RARB: variants seen among roughly 807,000 people sequenced by gnomAD.
RARB encodes HBV-activated protein.
A neutral mutation model predicts 51.9 loss-of-function variants in RARB; 17 were observed. The ratio of observed to expected loss-of-function variants is 0.33; its 90% CI spans 0.22 to 0.49. The LOEUF is 0.49. RARB is among the 20% of genes least tolerant of loss of function. RARB has a pLI of 0.99. For synonymous variants in RARB, 215 were observed against 195.4 expected (o/e 1.10, Z -0.84); for missense variants, 369 against 550.8 (o/e 0.67, Z 3.30).
intron 2 of RARB, among the ~76,000 whole-genome samples, chr3:24,959,757 A>C (rs1186133018): frequency 1.3e-5 from 2 of 152,212 alleles, no homozygotes; most frequent in Non-Finnish European, 1.5e-5. Context: ...TCCACAAAAA[A>C]GAAAAGAGAG....
chr3:24,884,134 T>G (rs1292664585), intron 2 of RARB, among the ~76,000 whole-genome samples: 1 of 152,134 alleles, frequency 6.6e-6, no homozygotes, highest in Non-Finnish European at 1.5e-5. Flanking sequence ...AATAAAACTT[T>G]TAAGGAAAAT....
chr3:24,913,518 G>A (rs1434837497), intron 2 of RARB, among the ~76,000 whole-genome samples: 2 of 147,538 alleles, frequency 1.4e-5, no homozygotes, highest in Non-Finnish European at 3.0e-5. Context: ...GAGTAAATTT[G>A]TGTGTTAACT....
intron 3 of RARB, among the ~76,000 whole-genome samples, chr3:25,558,477 CT>C (rs746660489): frequency 6.6e-6 from 1 of 151,060 alleles, no homozygotes; most frequent in Non-Finnish European, 1.5e-5. Context: ...TCCCCGTATC[CT>C]TTTCCCTTTC....
At chr3:25,238,585 C>A (rs139523742) in intron 5 of RARB, among the ~76,000 whole-genome samples, 1 of 152,120 alleles carries the variant, frequency 6.6e-6, no homozygotes, top group Non-Finnish European at 1.5e-5. Flanking sequence ...AATTGCCATA[C>A]ACATTTGCAT....
At chr3:25,579,776 G>C (rs949009915) in intron 4 of RARB, among the ~76,000 whole-genome samples, 1 of 152,126 alleles carries the variant, frequency 6.6e-6, no homozygotes, top group Admixed American at 6.5e-5. Flanking sequence ...GTAGTTTACC[G>C]TGTCCCTGGA....
At chr3:25,297,724 C>T (rs781475399) in intron 5 of RARB, among the ~76,000 whole-genome samples, 2 of 151,954 alleles carry the variant, frequency 1.3e-5, no homozygotes. Flanking sequence ...TTTTTCCCCT[C>T]ATTCCCCAGT....
chr3:25,202,619 A>C (rs551072839), intron 5 of RARB, among the ~76,000 whole-genome samples: 3 of 152,196 alleles, frequency 2.0e-5, no homozygotes, highest in Non-Finnish European at 4.4e-5. Flanking sequence ...TGTCCCAGAG[A>C]TTCTGGTATG....
At chr3:24,933,501 C>T (rs73137245) in intron 2 of RARB, among the ~76,000 whole-genome samples, 1,832 of 152,118 alleles carry the variant, frequency 0.012, 31 homozygotes, top group African/African-American at 0.041. Flanking sequence ...TAGTGACTCT[C>T]GCCCTTCAGA....
chr3:24,993,248 C>G (rs1372769881), intron 2 of RARB, among the ~76,000 whole-genome samples: 2 of 152,002 alleles, frequency 1.3e-5, no homozygotes, highest in African/African-American at 4.8e-5. Context: ...TTTTGACAAC[C>G]TTTTACATAA....
intron 5 of RARB, among the ~76,000 whole-genome samples, chr3:25,220,977 T>A (rs181038223): frequency 7.9e-5 from 12 of 151,576 alleles, no homozygotes; most frequent in African/African-American, 9.7e-5. Flanking sequence ...TGTATGACAT[T>A]TTTCTTTTGG....
rs534007917 is a variant in RARB at position 25,421,536 on chromosome 3, C to T, written c.179-39657C>T. Among the ~76,000 whole-genome samples the T allele has an allele frequency of 3.6e-4, 54 of 151,146 alleles. No individual in the cohort carries two copies. The South Asian group carries it at 5.2e-3, about 15-fold the overall frequency. On this transcript the variant is annotated intron_variant, in intron 5 of 11. Transcript: ENST00000383772. ...AAGCAATTCTTCTGCCTTAGCCTCC[C>T]GCGTAGCTGGGATTACAGGTGCGTG...
intron 5 of RARB, among the ~76,000 whole-genome samples, chr3:25,362,355 TC>T (rs1221844889): frequency 2.6e-5 from 4 of 152,092 alleles, no homozygotes; most frequent in African/African-American, 9.7e-5. Flanking sequence ...AACTCAAAAG[TC>T]CCAGGTCAAC....
At chr3:25,240,358 T>C (rs1461476579) in intron 5 of RARB, among the ~76,000 whole-genome samples, 1 of 152,234 alleles carries the variant, frequency 6.6e-6, no homozygotes, top group African/African-American at 2.4e-5. Flanking sequence ...GGACTTCCAG[T>C]ACTATGTTGA....
chr3:25,149,277 C>T (rs538266024), intron 4 of RARB, among the ~76,000 whole-genome samples: 6 of 152,176 alleles, frequency 3.9e-5, no homozygotes, highest in Admixed American at 6.5e-5. Flanking sequence ...ATTTGACAAT[C>T]GAATTTTGTC....
intron 5 of RARB, among the ~76,000 whole-genome samples, chr3:25,247,083 C>T (rs752513580): frequency 6.6e-6 from 1 of 152,196 alleles, no homozygotes; most frequent in Admixed American, 6.5e-5. Context: ...CAGTGGGCTC[C>T]GCCCAGTCAG....
intron 2 of RARB, among the ~76,000 whole-genome samples, chr3:24,924,860 G>A (rs1205725735): frequency 6.6e-6 from 1 of 152,088 alleles, no homozygotes; most frequent in African/African-American, 2.4e-5. Context: ...CAGGGGTGCT[G>A]TAAAGAGCAT....
At chr3:25,162,600 A>G (rs1285694046) in intron 4 of RARB, among the ~76,000 whole-genome samples, 1 of 152,150 alleles carries the variant, frequency 6.6e-6, no homozygotes, top group Non-Finnish European at 1.5e-5. Flanking sequence ...TCCCTCTAGC[A>G]CCTGACAACT....
At chr3:25,120,128 C>A (rs1056965407) in intron 3 of RARB, among the ~76,000 whole-genome samples, 25 of 152,116 alleles carry the variant, frequency 1.6e-4, no homozygotes, top group African/African-American at 5.6e-4. Flanking sequence ...TGGTCTCAAT[C>A]TCCCAGGAAT....
At chr3:25,396,258 A>T in intron 5 of RARB, among the ~76,000 whole-genome samples, 1 of 152,316 alleles carries the variant, frequency 6.6e-6, no homozygotes, top group African/African-American at 2.4e-5. Flanking sequence ...GCTCTGGTGG[A>T]GGTAGCAGGG....
Sources: gnomAD v4.1 joint callset for allele counts (sites outside exome capture counted in the v4.1 genomes callset) on GRCh38, gnomAD v4.1.1 for gene constraint, MANE v1.5 for transcripts, NCBI Gene and HGNC (gene_info 2026-07-23, HGNC 2026-07-21) for gene names.